TSPOAP1: variants seen among roughly 807,000 people sequenced by gnomAD.
TSPOAP1 encodes the protein peripheral-type benzodiazepine receptor-associated protein 1.
TSPOAP1 carries 87 observed loss-of-function variants against 197.0 expected under a neutral mutation model. That is an observed-to-expected ratio of 0.44 (90% CI 0.37 to 0.53). The LOEUF is 0.53. TSPOAP1 is among the 20% of genes least tolerant of loss of function. The pLI is 0.00. For synonymous variants in TSPOAP1, 913 were observed against 998.9 expected (o/e 0.91, Z 1.62); for missense variants, 2,174 against 2,411.3 (o/e 0.90, Z 2.06).
At chr17:58,312,767 G>T in intron 16 of TSPOAP1, 45 bp from the exon 17 acceptor site, 2 of 1,526,066 alleles carry the variant, frequency 1.3e-6, no homozygotes, top group Non-Finnish European at 8.9e-7. Context: ...GGAAGACAGA[G>T]AGGAGATAAA....
intron 14 of TSPOAP1, 96 bp downstream of exon 14, chr17:58,318,184 C>A: frequency 7.0e-7 from 1 of 1,433,020 alleles, no homozygotes; most frequent in South Asian, 1.4e-5. Flanking sequence ...GAAGTTGCCA[C>A]CCAACTCCTG....
rs184659725 is a variant in TSPOAP1, at chr17:58,324,722, T to C, written c.942+89A>G. 7.0e-4 allele frequency: 827 copies of C among 1,173,962 alleles called. 5 individuals are homozygous for C. The African/African-American group carries it at 0.013, about 18-fold the overall frequency. The allele number at this position is 1,173,962 out of a possible 1,614,324, so 72.7% of individuals were successfully genotyped here. ...GCACACCACCACTGAGTCCTTGGGG[T>C]TCTGAGCACGGTGCAGGGGAGATCC... On this transcript the variant is annotated intron_variant, in intron 5 of 31. Coordinates refer to ENST00000343736, the MANE Select transcript of TSPOAP1 (RefSeq NM_004758.4). This position sits in a 1 kb window ranked among gnomAD's most constrained non-coding sequence, Gnocchi z 5.8.
chr17:58,309,206 C>T lies in TSPOAP1; in HGVS notation c.4066G>A (p.Asp1356Asn), dbSNP rs1421293390. The change falls in exon 22 of 32, where the codon GAC becomes AAC. Residue 1356 changes from aspartate to asparagine, a missense_variant. Physicochemically the swap from Asp to Asn is conservative, Grantham distance 23 (BLOSUM62 1). Coordinates refer to ENST00000343736, the MANE Select transcript of TSPOAP1 (RefSeq NM_004758.4). The surrounding 1 kb of genome is among the most constrained non-coding windows in gnomAD (Gnocchi z 5.0). Reference protein sequence around the residue: ...EKSGAGCSSRDPGPPEPALLG... With the variant: ...EKSGAGCSSRNPGPPEPALLG... ...AATGCAGGTTCAGGCGGGCCAGGGT[C>T]TCGGGAAGAACAGCCTGCCCCTGAC... 1.9e-6 allele frequency: 3 copies of T among 1,614,034 alleles called. No individual in the cohort carries two copies. The highest frequency in any genetic ancestry group is 1.7e-5 in the Admixed American group (1 of 60,034).
rs769319798 is a variant in TSPOAP1, at chr17:58,307,759, G to A, written c.4835C>T (p.Pro1612Leu). The change falls in exon 24 of 32, where the codon CCT (proline) becomes CTT (leucine). Residue 1612 changes from proline to leucine, a missense_variant. Transcript: ENST00000343736. ...CAGTGTTTCTGAGGGGCTCCTCGCAGGGACTGTGGAGACAGTGGAGAGGGC... is the reference window on the plus strand; with the variant it reads ...CAGTGTTTCTGAGGGGCTCCTCGCAAGGACTGTGGAGACAGTGGAGAGGGC... ...VLRPSTAELV[P>L]ARSPSETLAY... The A allele has an allele frequency of 1.2e-6, 2 of 1,614,036 alleles. No homozygotes were observed. Among genetic ancestry groups the A allele is most frequent in the African/African-American group, 1.3e-5 (1 of 74,948 alleles).
Position 58,320,228 on chromosome 17 carries a change from ATCCAGTCAGCT to A in TSPOAP1, c.1474-110_1474-100del. 5.0e-6 allele frequency: 7 copies of A among 1,409,250 alleles called. No homozygotes were observed. In the South Asian group the frequency reaches 8.3e-5, roughly 17 times the overall value. The allele number at this position is 1,409,250 out of a possible 1,614,324, so 87.3% of individuals were successfully genotyped here. ...GGAGAAGGGGGCCTAAGTGGATATCATCCAGTCAGCTCCCTGGACTGACTAGCAGTTCCTAA... is the reference window on the plus strand; with the variant it reads ...GGAGAAGGGGGCCTAAGTGGATATCACCCTGGACTGACTAGCAGTTCCTAA... On this transcript the variant is annotated intron_variant, in intron 11 of 31. Coordinates refer to ENST00000343736, the MANE Select transcript of TSPOAP1 (RefSeq NM_004758.4).
In TSPOAP1 at chr17:58,328,037, C is replaced by T. The variant is rs766320903; in HGVS notation, c.-117G>A. 1.8e-4 allele frequency: 176 copies of T among 952,102 alleles called. No homozygotes were observed. Among genetic ancestry groups the T allele is most frequent in the Non-Finnish European group, 1.6e-4 (104 of 658,046 alleles). 59.0% of individuals were successfully genotyped at this position (952,102 alleles called of 1,614,324 possible). A position where few individuals can be genotyped will look rare whatever the true frequency, so the allele number is the denominator to read the frequency against. On this transcript the variant is annotated 5_prime_UTR_variant, in exon 1 of 32. Transcript: ENST00000343736. The surrounding 1 kb of genome is among the most constrained non-coding windows in gnomAD (Gnocchi z 4.3). ...CCCCTCTGAGCTCTTGCTTCACCGA[C>T]GCTCCATCCAAGGTTGGCTGAGCTC...
At chr17:58,319,023 A>ACTCC in intron 13 of TSPOAP1, 67 bp downstream of exon 13, 1 of 1,415,700 alleles carries the variant, frequency 7.1e-7, no homozygotes, top group Middle Eastern at 2.4e-4. Context: ...CTGATCCTGA[A>ACTCC]CTCCCTGCTC....
Position 58,311,974 on chromosome 17 carries a change from G to A in TSPOAP1, c.2847C>T (p.Leu949=), listed in dbSNP as rs1053609628. 1.9e-6 allele frequency: 3 copies of A among 1,609,664 alleles called. No homozygotes were observed. The highest frequency in any genetic ancestry group is 1.7e-4 in the Middle Eastern group (1 of 6,002). Residue 949 remains leucine, a synonymous_variant, in exon 17 of 32, where the codon CTC becomes CTT. Coordinates refer to ENST00000343736, the MANE Select transcript of TSPOAP1 (RefSeq NM_004758.4). ...TPYQAQVEAQ[L]PPQGPWEPGW... Reference sequence around the variant, plus strand: ...CTGGTTCCCAGGGCCCTTGGGGTGGGAGCTGAGCCTCCACTTGGGCCTGAT... The same window carrying A: ...CTGGTTCCCAGGGCCCTTGGGGTGGAAGCTGAGCCTCCACTTGGGCCTGAT...
At position 58,323,538 on chromosome 17, in the gene TSPOAP1, G is replaced by A; in HGVS notation, c.950C>T (p.Pro317Leu). ...PAPGAPGEAT[P>L]QEDADNLPVI... ...GGGTAGGTTGTCCGCATCCTCCTGG[G>A]GCGTGGCCTGGAAATGCCCAGGGGC... Residue 317 changes from proline to leucine, a missense_variant, in exon 6 of 32, where the codon CCC (proline) becomes CTC (leucine). Coordinates refer to ENST00000343736, the MANE Select transcript of TSPOAP1 (RefSeq NM_004758.4). 1 of 1,613,926 alleles carries A rather than the reference G, an allele frequency of 6.2e-7. No homozygotes were observed. Among genetic ancestry groups the A allele is most frequent in the Non-Finnish European group, 8.5e-7 (1 of 1,179,868 alleles).
At position 58,322,684 on chromosome 17, in the gene TSPOAP1, G is replaced by C; in HGVS notation, c.1287C>G (p.Ser429Arg). ...GCACTTGCTCCAGGCTCTCCAGCTT[G>C]CTCTGCAGGCCCTGGCTCTTGCGAA... The part of the protein sequence containing the change: ...SALRKSQGLQ[S>R]KLESLEQVLK... Residue 429 changes from serine (S) to arginine (R), a missense_variant, in exon 9 of 32, where the codon AGC (serine) becomes AGG (arginine). By Grantham distance (110) the Ser-to-Arg change is moderately radical (BLOSUM62 -1). Transcript: ENST00000343736. This position sits in a 1 kb window ranked among gnomAD's most constrained non-coding sequence, Gnocchi z 5.0. 1 of 1,610,896 alleles carries C rather than the reference G, an allele frequency of 6.2e-7. No homozygotes were observed. Among genetic ancestry groups the C allele is most frequent in the Non-Finnish European group, 8.5e-7 (1 of 1,179,698 alleles).
chr17:58,325,824 C>A, intron 3 of TSPOAP1, 111 bp from the exon 4 acceptor site: 1 of 1,148,976 alleles, frequency 8.7e-7, no homozygotes, highest in Non-Finnish European at 1.2e-6. Context: ...GGGGTAGCCA[C>A]CTGCTTCCAC....
At chr17:58,313,379 G>A (rs1971127365) in intron 16 of TSPOAP1, among the ~76,000 whole-genome samples, 1 of 152,132 alleles carries the variant, frequency 6.6e-6, no homozygotes, top group Non-Finnish European at 1.5e-5. Context: ...TCAGGAGGAT[G>A]AGGCAGGCAG....
At position 58,312,713 on chromosome 17, in the gene TSPOAP1, A is replaced by AT; in HGVS notation, c.2107dup (p.Met703AsnfsTer19). 1 of 1,613,034 alleles carries AT rather than the reference A, an allele frequency of 6.2e-7. No individual in the cohort carries two copies. Among genetic ancestry groups the AT allele is most frequent in the Non-Finnish European group, 8.5e-7 (1 of 1,179,826 alleles). The stretch of plus-strand genomic sequence containing the variant: ...AGGGACCAGGCCCCTTCGGCCATCC[A>AT]TGAGCTCTCCTGGCAGGAGGAGGAC... On this transcript the variant is annotated frameshift_variant, in exon 17 of 32. Coordinates refer to ENST00000343736, the MANE Select transcript of TSPOAP1 (RefSeq NM_004758.4). LOFTEE classifies it high-confidence loss of function.
At position 58,312,476 on chromosome 17, in the gene TSPOAP1, G is replaced by C. The variant is rs201337655; in HGVS notation, c.2345C>G (p.Pro782Arg). 1 of 1,609,494 alleles carries C rather than the reference G, an allele frequency of 6.2e-7. No homozygotes were observed. ...GGCAGGAGGCTCGCCCAGGCCCTCC[G>C]GTGATGGGCTCAGACTGAGCTCGTC... Reference protein sequence around the residue: ...AGDELSLSPSPEGLGEPPAVP... With the variant: ...AGDELSLSPSREGLGEPPAVP... Residue 782 changes from proline to arginine, a missense_variant, in exon 17 of 32, where the codon CCG (proline) becomes CGG (arginine). Around this residue, in one of 5 missense-constraint regions of TSPOAP1, gnomAD observed 1,933 missense variants for 2,139.0 expected, o/e 0.90. Coordinates refer to ENST00000343736, the MANE Select transcript of TSPOAP1 (RefSeq NM_004758.4).
chr17:58,305,435 C>A lies in TSPOAP1; in HGVS notation c.5385G>T (p.Gly1795=). The change falls in exon 29 of 32, where the codon GGG becomes GGT. Residue 1795 remains glycine (G), a synonymous_variant. Coordinates refer to ENST00000343736, the MANE Select transcript of TSPOAP1 (RefSeq NM_004758.4). ...DVEAELPFRA[G]DVITVFGGMD... ...TGCCCCCAAACACAGTAATGACATCCCCTGCCCGGAAGGGCAGCTCTGCCT... is the reference window on the plus strand; with the variant it reads ...TGCCCCCAAACACAGTAATGACATCACCTGCCCGGAAGGGCAGCTCTGCCT... The A allele has an allele frequency of 6.2e-7, 1 of 1,613,990 alleles. No individual in the cohort carries two copies. The highest frequency in any genetic ancestry group is 8.5e-7 in the Non-Finnish European group (1 of 1,179,962).
Position 58,312,119 on chromosome 17 carries a change from G to A in TSPOAP1, c.2702C>T (p.Thr901Ile), listed in dbSNP as rs1212254075. 1 of 1,613,230 alleles carries A rather than the reference G, an allele frequency of 6.2e-7. No homozygotes were observed. Among genetic ancestry groups the A allele is most frequent in the Non-Finnish European group, 8.5e-7 (1 of 1,180,026 alleles). ...CAAGTTGCTATTGCCGGGCACCCAG[G>A]TGATCTCAGCAGATGTGGCTGTCAA... ...HRLTATSAEI[T>I]WVPGNSNLAH... Residue 901 changes from threonine to isoleucine, a missense_variant, in exon 17 of 32, where the codon ACC becomes ATC. Physicochemically the swap from Thr to Ile is moderately conservative, Grantham distance 89. Around this residue, in one of 5 missense-constraint regions of TSPOAP1, gnomAD observed 1,933 missense variants for 2,139.0 expected, o/e 0.90. Transcript: ENST00000343736.
At chr17:58,325,031 G>T in intron 4 of TSPOAP1, 29 bp from the exon 5 acceptor site, 1 of 1,496,612 alleles carries the variant, frequency 6.7e-7, no homozygotes, top group Non-Finnish European at 8.9e-7. Flanking sequence ...GACAGGGAGG[G>T]GACTCAGGCC....
chr17:58,305,241 C>T (rs1211101176), intron 29 of TSPOAP1, 70 bp from the exon 30 acceptor site: 2 of 1,486,734 alleles, frequency 1.3e-6, no homozygotes, highest in Non-Finnish European at 1.9e-6. Context: ...ACTCTGATGC[C>T]CCTGGGGAAC....
Position 58,327,978 on chromosome 17 carries a change from G to C in TSPOAP1, c.-58C>G. 9 of 1,436,020 alleles carry C rather than the reference G, an allele frequency of 6.3e-6. No homozygotes were observed. The African/African-American group carries it at 8.4e-5, about 13-fold the overall frequency. The allele number at this position is 1,436,020 out of a possible 1,614,324, so 89.0% of individuals were successfully genotyped here. ...GGGGACATCACCCAGCCAGGTGGGGGGACTGGCGAGGGTCATGCCAGGCCA... is the reference window on the plus strand; with the variant it reads ...GGGGACATCACCCAGCCAGGTGGGGCGACTGGCGAGGGTCATGCCAGGCCA... On this transcript the variant is annotated 5_prime_UTR_variant, in exon 1 of 32. Coordinates refer to ENST00000343736, the MANE Select transcript of TSPOAP1 (RefSeq NM_004758.4).
Sources: allele counts gnomAD v4.1 joint callset (sites outside exome capture counted in the v4.1 genomes callset), GRCh38; gene constraint gnomAD v4.1.1; regional missense constraint gnomAD v4.1.1; non-coding constraint Gnocchi (gnomAD v3.1); transcripts MANE v1.5; gene names NCBI Gene and HGNC (gene_info 2026-07-23, HGNC 2026-07-21).